Variants in DAGLA observed in about 807,000 individuals in gnomAD.
The protein encoded by DAGLA is diacylglycerol lipase alpha.
A neutral mutation model predicts 102.6 loss-of-function variants in DAGLA; 22 were observed. The ratio of observed to expected loss-of-function variants is 0.21; its 90% CI spans 0.15 to 0.31. The LOEUF (loss-of-function observed/expected upper bound fraction) is 0.31, where lower values mean the gene tolerates loss of function less well. Among genes scored for constraint, DAGLA ranks in the 10% least tolerant of loss-of-function variants. DAGLA has a pLI of 1.00. For synonymous variants in DAGLA, 578 were observed against 628.9 expected (o/e 0.92, Z 1.21); for missense variants, 927 against 1,446.6 (o/e 0.64, Z 5.83).
At chr11:61,718,761 C>T (rs896511924) in intron 1 of DAGLA, among the ~76,000 whole-genome samples, 3 of 152,164 alleles carry the variant, frequency 2.0e-5, no homozygotes, top group African/African-American at 4.8e-5. Context: ...CAGGCTAGCC[C>T]GCCAGCCCGC....
In DAGLA at chr11:61,731,305, C is replaced by T; in HGVS notation, c.850-12C>T. 1.9e-6 allele frequency: 3 copies of T among 1,613,374 alleles called. No homozygotes were observed. Among genetic ancestry groups the T allele is most frequent in the Non-Finnish European group, 2.5e-6 (3 of 1,179,688 alleles). ...GGCAGGAGGTGACCGCCCTCTGCCTCCTCTCTTCTAGCAAGAGATGCTCCG... is the reference window on the plus strand; with the variant it reads ...GGCAGGAGGTGACCGCCCTCTGCCTTCTCTCTTCTAGCAAGAGATGCTCCG... On this transcript the variant is annotated splice_polypyrimidine_tract_variant and intron_variant, in intron 8 of 19. Transcript: ENST00000257215.
At position 61,743,784 on chromosome 11, in the gene DAGLA, C is replaced by T. The variant is rs751292160; in HGVS notation, c.2424C>T (p.Ser808=). ...SGFRSIRGSP[S]LHAVLERDEG... is the part of the protein sequence containing the mutation. ...TCCGCAGCATCCGGGGCTCCCCCAG[C>T]CTCCACGCTGTGCTGGAGCGTGATG... Residue 808 remains serine (S), a synonymous_variant, in exon 20 of 20, where the codon AGC becomes AGT. Coordinates refer to ENST00000257215, the MANE Select transcript of DAGLA (RefSeq NM_006133.3). The T allele has an allele frequency of 1.2e-6, 2 of 1,612,562 alleles. No individual in the cohort carries two copies. The highest frequency in any genetic ancestry group is 2.2e-5 in the South Asian group (2 of 91,088).
intron 16 of DAGLA, 91 bp downstream of exon 16, chr11:61,738,298 GC>G: frequency 1.8e-6 from 2 of 1,111,344 alleles, no homozygotes; most frequent in Non-Finnish European, 2.6e-6. Context: ...AGCACAAGAG[GC>G]CCTGCCATGG....
intron 19 of DAGLA, among the ~76,000 whole-genome samples, chr11:61,742,575 A>G (rs1025977974): frequency 2.0e-5 from 3 of 152,154 alleles, no homozygotes; most frequent in Admixed American, 6.5e-5. Flanking sequence ...CTGCGGAGCC[A>G]GGGGCACTAG....
intron 6 of DAGLA, among the ~76,000 whole-genome samples, chr11:61,726,630 G>A (rs1329387179): frequency 2.0e-5 from 3 of 152,212 alleles, no homozygotes; most frequent in Admixed American, 1.3e-4. Context: ...GCCCCGCAGC[G>A]GGCAGGGACC....
intron 8 of DAGLA, among the ~76,000 whole-genome samples, chr11:61,729,689 C>CT (rs1205957154): frequency 6.6e-6 from 1 of 152,206 alleles, no homozygotes; most frequent in Non-Finnish European, 1.5e-5. Flanking sequence ...CAGAGCTGTG[C>CT]TGAGAGGACA....
At chr11:61,742,075 A>G (rs554167368) in intron 19 of DAGLA, among the ~76,000 whole-genome samples, 12 of 152,368 alleles carry the variant, frequency 7.9e-5, no homozygotes, top group African/African-American at 2.9e-4. Flanking sequence ...ACACCAAGAC[A>G]AAGGTGGAGA....
In DAGLA at chr11:61,735,080, G is replaced by A; in HGVS notation, c.1128+78G>A. On this transcript the variant is annotated intron_variant, in intron 10 of 19. Coordinates refer to ENST00000257215, the MANE Select transcript of DAGLA (RefSeq NM_006133.3). ...TAGGGTGCTGAGGCTATCCTTCCAG[G>A]CCGGCAGGAGCCCTTGCTTGGCTGG... 7 of 1,511,354 alleles carry A rather than the reference G, an allele frequency of 4.6e-6. No individual in the cohort carries two copies. The South Asian group carries it at 4.8e-5, about 10-fold the overall frequency. 93.6% of individuals were successfully genotyped at this position (1,511,354 alleles called of 1,614,324 possible).
At chr11:61,721,086 G>A (rs1170803201) in intron 3 of DAGLA, among the ~76,000 whole-genome samples, 196 bp downstream of exon 3, 1 of 152,248 alleles carries the variant, frequency 6.6e-6, no homozygotes, top group Non-Finnish European at 1.5e-5. Flanking sequence ...AATCCAGCCT[G>A]CTGTATGTGT....
At position 61,684,922 on chromosome 11, in the gene DAGLA, G is replaced by A. The variant is rs186304200; in HGVS notation, c.-45+4418G>A. 6.9e-4 allele frequency among the ~76,000 whole-genome samples: 105 copies of A among 152,192 alleles called. No individual in the cohort carries two copies. The highest frequency in any genetic ancestry group is 2.4e-3 in the African/African-American group (100 of 41,496). On this transcript the variant is annotated intron_variant, in intron 1 of 19. Coordinates refer to ENST00000257215, the MANE Select transcript of DAGLA (RefSeq NM_006133.3). The surrounding 1 kb of genome is among the most constrained non-coding windows in gnomAD (Gnocchi z 4.5). ...GCAGAGGGTGGGTTTCATACCTCAT[G>A]TTATGACTCTTTACATGAGGAGCCG...
intron 19 of DAGLA, among the ~76,000 whole-genome samples, chr11:61,741,736 C>G (rs1343727485): frequency 6.6e-6 from 1 of 152,070 alleles, no homozygotes; most frequent in Admixed American, 6.5e-5. Context: ...CTCAGCCTCC[C>G]AAGTAGCTGG....
intron 17 of DAGLA, among the ~76,000 whole-genome samples, chr11:61,740,097 G>T (rs35571184): frequency 2.3e-4 from 35 of 152,136 alleles, no homozygotes; most frequent in African/African-American, 8.4e-4. Context: ...GCAGGCAAGT[G>T]GGTAGACCTT....
chr11:61,703,986 T>TG (rs1591031160), intron 1 of DAGLA, among the ~76,000 whole-genome samples: 1 of 152,130 alleles, frequency 6.6e-6, no homozygotes, highest in East Asian at 1.9e-4. Flanking sequence ...GCAGACTGAG[T>TG]GGGGAAACCC....
At chr11:61,728,443 C>T (rs1041132920) in intron 7 of DAGLA, among the ~76,000 whole-genome samples, 156 bp downstream of exon 7, 1 of 152,168 alleles carries the variant, frequency 6.6e-6, no homozygotes, top group African/African-American at 2.4e-5. Context: ...TTACCTCTGG[C>T]TCCCCCTGCC....
In DAGLA at chr11:61,684,109, G is replaced by A. The variant is rs1336183232; in HGVS notation, c.-45+3605G>A. ...GACAGCAGCGGGCCAGAAGGCTGCA[G>A]CTGAAGGCACAGCTTGTCACTGGAA... On this transcript the variant is annotated intron_variant, in intron 1 of 19. Transcript: ENST00000257215. The surrounding 1 kb of genome is among the most constrained non-coding windows in gnomAD (Gnocchi z 4.5). Among the ~76,000 whole-genome samples, 1 of 152,242 alleles carries A rather than the reference G, an allele frequency of 6.6e-6. No individual in the cohort carries two copies. The highest frequency in any genetic ancestry group is 1.5e-5 in the Non-Finnish European group (1 of 68,042).
At chr11:61,702,046 G>A (rs552070526) in intron 1 of DAGLA, among the ~76,000 whole-genome samples, 72 of 152,062 alleles carry the variant, frequency 4.7e-4, no homozygotes, top group Non-Finnish European at 9.3e-4. Flanking sequence ...GAGTAGCTGG[G>A]ACTATAAGCA....
intron 19 of DAGLA, 33 bp from the exon 20 acceptor site, chr11:61,743,499 T>A: frequency 6.7e-7 from 1 of 1,486,580 alleles, no homozygotes; most frequent in Non-Finnish European, 8.9e-7. Context: ...CCCTTCTGAG[T>A]CTTATACCCC....
chr11:61,733,034 G>A (rs748380056), intron 9 of DAGLA, among the ~76,000 whole-genome samples: 50 of 152,238 alleles, frequency 3.3e-4, no homozygotes, highest in Non-Finnish European at 5.1e-4. Flanking sequence ...CACCGGAGAA[G>A]CGAGGAGCCA....
intron 1 of DAGLA, among the ~76,000 whole-genome samples, chr11:61,692,370 G>A (rs1459246460): frequency 6.6e-6 from 1 of 152,284 alleles, no homozygotes; most frequent in East Asian, 1.9e-4. Context: ...CAGGATTTCT[G>A]AGTGTAGATT....
Sources: allele counts gnomAD v4.1 joint callset (sites outside exome capture counted in the v4.1 genomes callset), GRCh38; gene constraint gnomAD v4.1.1; non-coding constraint Gnocchi (gnomAD v3.1); transcripts MANE v1.5; gene names NCBI Gene and HGNC (gene_info 2026-07-23, HGNC 2026-07-21).